The following XRCC4 variants were observed in gnomAD, a reference collection of about 807,000 sequenced individuals.
XRCC4 encodes the protein DNA repair protein XRCC4.
Under a neutral mutation model 39.1 loss-of-function variants are expected in XRCC4, and 28 were observed. The observed-to-expected ratio is 0.72, with a 90% confidence interval of 0.53 to 0.98. The LOEUF (loss-of-function observed/expected upper bound fraction) is 0.98. Ranked by LOEUF, XRCC4 falls within the 50% of genes least tolerant of loss-of-function variation. The pLI, the probability that XRCC4 is intolerant of heterozygous loss-of-function variation, is 0.00. For missense variants in XRCC4, 350 were observed against 376.4 expected (o/e 0.93, Z 0.58); for synonymous variants, 123 against 126.4 (o/e 0.97, Z 0.18).
intron 3 of XRCC4, among the ~76,000 whole-genome samples, chr5:83,150,608 G>A (rs1021076923): frequency 4.6e-5 from 7 of 152,028 alleles, no homozygotes; most frequent in African/African-American, 1.7e-4. Flanking sequence ...ATGACTGAGG[G>A]TACAACATAA....
intron 6 of XRCC4, among the ~76,000 whole-genome samples, chr5:83,208,415 A>G (rs1471307772): frequency 3.3e-5 from 5 of 152,064 alleles, no homozygotes; most frequent in African/African-American, 1.2e-4. Flanking sequence ...ATGAAATGGC[A>G]AATTCATATT....
chr5:83,222,833 G>A (rs1220037868), intron 6 of XRCC4, among the ~76,000 whole-genome samples: 3 of 151,912 alleles, frequency 2.0e-5, no homozygotes, highest in East Asian at 3.9e-4. Context: ...CCACAGCCTC[G>A]ACTTCCCTGG....
chr5:83,254,110 TA>T (rs369384570), intron 6 of XRCC4, among the ~76,000 whole-genome samples: 6,004 of 142,974 alleles, frequency 0.042, 370 homozygotes, highest in African/African-American at 0.14. Context: ...GTCTTCTATT[TA>T]AAAAAAAAAA....
intron 3 of XRCC4, among the ~76,000 whole-genome samples, chr5:83,152,632 CAAAAAAAAA>C (rs59213558): frequency 6.9e-4 from 77 of 112,338 alleles, no homozygotes; most frequent in Non-Finnish European, 9.9e-4. Context: ...GATCCTGTCT[CAAAAAAAAA>C]AAAAAAAAAA....
intron 2 of XRCC4, among the ~76,000 whole-genome samples, chr5:83,110,102 C>G (rs757338942): frequency 1.1e-4 from 17 of 151,850 alleles, no homozygotes; most frequent in Non-Finnish European, 2.4e-4. Flanking sequence ...TGTAATGACC[C>G]CCAGAAAGGC....
At chr5:83,204,786 T>C (rs763799124) in intron 5 of XRCC4, 29 bp from the exon 6 acceptor site, 7 of 1,577,606 alleles carry the variant, frequency 4.4e-6, no homozygotes, top group East Asian at 2.2e-5. Flanking sequence ...GAGCCAGTTA[T>C]TTATAATTCT....
chr5:83,134,170 C>G (rs1157862404), intron 3 of XRCC4, among the ~76,000 whole-genome samples: 1 of 152,038 alleles, frequency 6.6e-6, no homozygotes, highest in Non-Finnish European at 1.5e-5. Context: ...CCCTATTTTC[C>G]TCTTGATTGT....
At chr5:83,338,238 T>C (rs1017967995) in intron 7 of XRCC4, among the ~76,000 whole-genome samples, 3 of 152,168 alleles carry the variant, frequency 2.0e-5, no homozygotes, top group African/African-American at 7.2e-5. Context: ...TGTAGAAAGA[T>C]AACTAATTAT....
chr5:83,202,414 G>T (rs1751242301), intron 4 of XRCC4, among the ~76,000 whole-genome samples: 1 of 152,086 alleles, frequency 6.6e-6, no homozygotes. Context: ...GCTGAAATTG[G>T]TCCCAGAGAA....
chr5:83,169,139 C>T (rs1749616844), intron 3 of XRCC4, among the ~76,000 whole-genome samples: 2 of 151,998 alleles, frequency 1.3e-5, no homozygotes, highest in Admixed American at 1.3e-4. Context: ...TAATATTTTC[C>T]CCATTCTTAT....
chr5:83,226,222 G>A (rs997492338), intron 6 of XRCC4, among the ~76,000 whole-genome samples: 5 of 151,974 alleles, frequency 3.3e-5, no homozygotes, highest in South Asian at 2.1e-4. Flanking sequence ...TAAGAGCTGC[G>A]GTGCTTGGTG....
At chr5:83,341,967 G>A (rs1310046384) in intron 7 of XRCC4, among the ~76,000 whole-genome samples, 1 of 152,164 alleles carries the variant, frequency 6.6e-6, no homozygotes, top group African/African-American at 2.4e-5. Flanking sequence ...TTCGTTTGTA[G>A]CACAGCAAGC....
At chr5:83,186,914 A>G (rs1285921922) in intron 3 of XRCC4, among the ~76,000 whole-genome samples, 1 of 147,416 alleles carries the variant, frequency 6.8e-6, no homozygotes, top group East Asian at 2.0e-4. Flanking sequence ...AACCACATAC[A>G]TTTTTGGCTC....
chr5:83,265,350 A>G (rs1753917186), intron 7 of XRCC4, among the ~76,000 whole-genome samples: 1 of 152,182 alleles, frequency 6.6e-6, no homozygotes, highest in African/African-American at 2.4e-5. Flanking sequence ...TAATTTTATC[A>G]TAATGTTTAT....
intron 7 of XRCC4, among the ~76,000 whole-genome samples, chr5:83,311,402 A>G (rs1270763567): frequency 6.6e-6 from 1 of 152,208 alleles, no homozygotes; most frequent in Admixed American, 6.5e-5. Flanking sequence ...ATTTATGGTG[A>G]TGGATATCTA....
rs16900357 is a variant in XRCC4 at position 83,353,505 on chromosome 5, A to G, written c.*263A>G. ...AATTGTATGAGACTTTTTGTTGCAAAGGACACATTTATCATATTCATTCAC... is the reference window on the plus strand; with the variant it reads ...AATTGTATGAGACTTTTTGTTGCAAGGGACACATTTATCATATTCATTCAC... On this transcript the variant is annotated 3_prime_UTR_variant, in exon 8 of 8. Coordinates refer to ENST00000396027, the MANE Select transcript of XRCC4 (RefSeq NM_003401.5). The G allele has an allele frequency of 6.3e-3, 1,654 of 263,868 alleles. 27 individuals carry two copies. Among genetic ancestry groups the G allele is most frequent in the African/African-American group, 0.034 (1,511 of 44,984 alleles). The allele number at this position is 263,868 out of a possible 1,614,324, so 16.3% of individuals were successfully genotyped here. A position where few individuals can be genotyped will look rare whatever the true frequency, so the allele number is the denominator to read the frequency against.
intron 3 of XRCC4, among the ~76,000 whole-genome samples, chr5:83,114,615 A>G (rs1304196996): frequency 6.6e-6 from 1 of 152,332 alleles, no homozygotes; most frequent in South Asian, 2.1e-4. Flanking sequence ...AAGCCATTCA[A>G]CAATTCTCTA....
chr5:83,179,314 A>G (rs948982199), intron 3 of XRCC4, among the ~76,000 whole-genome samples: 2 of 152,208 alleles, frequency 1.3e-5, no homozygotes, highest in African/African-American at 4.8e-5. Context: ...TGAAGAAATT[A>G]TTCCTGCAAT....
At chr5:83,339,493 G>A (rs1254299137) in intron 7 of XRCC4, among the ~76,000 whole-genome samples, 1 of 152,042 alleles carries the variant, frequency 6.6e-6, no homozygotes, top group African/African-American at 2.4e-5. Context: ...GGTGGGGTGG[G>A]GGAGGGATAG....
Sources: allele counts gnomAD v4.1 joint callset (sites outside exome capture counted in the v4.1 genomes callset), GRCh38; gene constraint gnomAD v4.1.1; transcripts MANE v1.5; gene names NCBI Gene and HGNC (gene_info 2026-07-23, HGNC 2026-07-21).